The following LIPC variants were observed in gnomAD, a reference collection of about 807,000 sequenced individuals.
LIPC encodes hepatic triacylglycerol lipase.
LIPC carries 44 observed loss-of-function variants against 50.7 expected under a neutral mutation model. The ratio of observed to expected loss-of-function variants is 0.87; its 90% CI spans 0.68 to 1.11. The LOEUF (loss-of-function observed/expected upper bound fraction) is 1.11, where lower values mean the gene tolerates loss of function less well. Ranked by LOEUF, LIPC falls within the 50% of genes most tolerant of loss-of-function variation. The probability of loss-of-function intolerance (pLI) is 0.00; values close to 1 mark genes in which losing one functional copy is unlikely to be tolerated. For synonymous variants in LIPC, 271 were observed against 256.4 expected, an observed-to-expected ratio of 1.06 and a Z score of -0.54; for missense variants, 697 against 648.2, an observed-to-expected ratio of 1.08 and a Z score of -0.82.
At chr15:58,499,233 C>T (rs1407569398) in intron 1 of LIPC, among the ~76,000 whole-genome samples, 3 of 152,224 alleles carry the variant, frequency 2.0e-5, no homozygotes, top group South Asian at 4.1e-4. Context: ...TGTACTTTGT[C>T]GCCTGCCTCT....
At chr15:58,436,810 T>A in intron 1 of LIPC, 1 of 456,254 alleles carries the variant, frequency 2.2e-6, no homozygotes, top group South Asian at 1.5e-5. Flanking sequence ...AAGGATGGTA[T>A]CCGGACAGAA....
intron 1 of LIPC, among the ~76,000 whole-genome samples, chr15:58,472,162 T>C (rs1294943523): frequency 6.8e-6 from 1 of 148,084 alleles, no homozygotes; most frequent in Non-Finnish European, 1.5e-5. Flanking sequence ...TCCCAGCTAC[T>C]CGGGAGGCTG....
chr15:58,441,971 T>G (rs925209821), intron 1 of LIPC, among the ~76,000 whole-genome samples: 2 of 152,194 alleles, frequency 1.3e-5, no homozygotes, highest in Non-Finnish European at 2.9e-5. Flanking sequence ...TGTTCACTTG[T>G]GAATATTATG....
intron 1 of LIPC, among the ~76,000 whole-genome samples, chr15:58,459,941 C>A (rs111255408): frequency 7.9e-5 from 12 of 152,224 alleles, no homozygotes; most frequent in African/African-American, 2.7e-4. Flanking sequence ...GTGGGTGCAG[C>A]AGGCTCACAC....
At chr15:58,526,119 G>T (rs1479497371) in intron 1 of LIPC, among the ~76,000 whole-genome samples, 1 of 152,148 alleles carries the variant, frequency 6.6e-6, no homozygotes, top group East Asian at 1.9e-4. Flanking sequence ...TGCCACCCTG[G>T]GATGATGCAA....
intron 1 of LIPC, among the ~76,000 whole-genome samples, chr15:58,507,339 G>GGAAGGAAGGAAGGAAGGAAGCAAA (rs1595906491): frequency 6.8e-6 from 1 of 146,908 alleles, no homozygotes; most frequent in East Asian, 1.9e-4. Flanking sequence ...AGAGGAGGAG[G>GGAAGGAAGGAAGGAAGGAAGCAAA]GAAGGAAGGA....
chr15:58,469,102 T>TTC (rs149021757), intron 1 of LIPC, among the ~76,000 whole-genome samples: 1 of 140,624 alleles, frequency 7.1e-6, no homozygotes, highest in African/African-American at 2.7e-5. Context: ...AGGGAACATT[T>TTC]TGTGTGTGTG....
chr15:58,534,655 G>A (rs564366426), intron 1 of LIPC, among the ~76,000 whole-genome samples: 1 of 152,216 alleles, frequency 6.6e-6, no homozygotes, highest in East Asian at 1.9e-4. Flanking sequence ...TTGGGTTTCA[G>A]GACCAAAAAA....
At chr15:58,503,871 G>C (rs1374813955) in intron 1 of LIPC, among the ~76,000 whole-genome samples, 1 of 151,330 alleles carries the variant, frequency 6.6e-6, no homozygotes, top group Non-Finnish European at 1.5e-5. Flanking sequence ...CCCACACCAG[G>C]GTGGACTTTT....
intron 1 of LIPC, among the ~76,000 whole-genome samples, chr15:58,505,711 C>A (rs1892125341): frequency 6.6e-6 from 1 of 152,186 alleles, no homozygotes; most frequent in Non-Finnish European, 1.5e-5. Context: ...AGTTTCCAGT[C>A]CCCTCACTCT....
chr15:58,546,859 T>G (rs766257297), intron 5 of LIPC, among the ~76,000 whole-genome samples: 6 of 152,136 alleles, frequency 3.9e-5, no homozygotes, highest in Non-Finnish European at 7.3e-5. Flanking sequence ...TCATCTCATT[T>G]TGGCTGGACT....
intron 1 of LIPC, among the ~76,000 whole-genome samples, chr15:58,460,644 AG>A (rs1441625459): frequency 6.6e-6 from 1 of 152,194 alleles, no homozygotes. Context: ...TCAGCCAGTA[AG>A]GGCCAGGCTG....
chr15:58,516,828 T>C (rs1293269703), intron 1 of LIPC, among the ~76,000 whole-genome samples: 1 of 152,260 alleles, frequency 6.6e-6, no homozygotes, highest in African/African-American at 2.4e-5. Flanking sequence ...GATTGATTGA[T>C]TTTTCTCTTC....
At chr15:58,459,462 A>G (rs750704317) in intron 1 of LIPC, among the ~76,000 whole-genome samples, 7 of 151,614 alleles carry the variant, frequency 4.6e-5, no homozygotes, top group Non-Finnish European at 1.0e-4. Context: ...AAACAAAGCT[A>G]AAAGTTCATA....
chr15:58,461,357 C>T (rs1376264942), intron 1 of LIPC, among the ~76,000 whole-genome samples: 1 of 152,170 alleles, frequency 6.6e-6, no homozygotes, highest in East Asian at 1.9e-4. Context: ...AGTCACAAAG[C>T]TGGCAACTCC....
chr15:58,558,060 A>G (rs905478050), intron 6 of LIPC, among the ~76,000 whole-genome samples: 1 of 127,060 alleles, frequency 7.9e-6, no homozygotes, highest in Non-Finnish European at 1.6e-5. Context: ...ACTTGCGCCT[A>G]TAGCTCTTTT....
chr15:58,553,726 T>C (rs143516979), intron 6 of LIPC, among the ~76,000 whole-genome samples: 19 of 152,336 alleles, frequency 1.2e-4, no homozygotes, highest in African/African-American at 4.1e-4. Flanking sequence ...AGGTGTTACA[T>C]ACAAAGGCTA....
At chr15:58,446,112 GA>G (rs1275007710) in intron 1 of LIPC, among the ~76,000 whole-genome samples, 1 of 152,190 alleles carries the variant, frequency 6.6e-6, no homozygotes, top group East Asian at 1.9e-4. Flanking sequence ...ATAAGAGGGG[GA>G]AAGGAAGAGA....
Position 58,432,129 on chromosome 15 carries a change from CT to C in LIPC, c.88+10del. The C allele has an allele frequency of 6.3e-7, 1 of 1,596,600 alleles. No individual in the cohort carries two copies. ...ACAAAGCCTGAAACCAGGTAAGAGCCTGACTTTTCTCCAGAGATGGGCATGA... is the reference window on the plus strand; with the variant it reads ...ACAAAGCCTGAAACCAGGTAAGAGCCGACTTTTCTCCAGAGATGGGCATGA... On this transcript the variant is annotated intron_variant, in intron 1 of 8. Coordinates refer to ENST00000299022, the MANE Select transcript of LIPC (RefSeq NM_000236.3).
Sources: gnomAD v4.1 joint callset for allele counts (sites outside exome capture counted in the v4.1 genomes callset) on GRCh38, gnomAD v4.1.1 for gene constraint, MANE v1.5 for transcripts, NCBI Gene and HGNC (gene_info 2026-07-23, HGNC 2026-07-21) for gene names.